Variants in LRP5 observed in about 807,000 individuals in gnomAD.
The protein encoded by LRP5 is LDL receptor related protein 5, also known as low-density lipoprotein receptor-related protein 5.
Under a neutral mutation model 154.1 loss-of-function variants are expected in LRP5, and 62 were observed. That is an observed-to-expected ratio of 0.40 (90% CI 0.33 to 0.50). The LOEUF (loss-of-function observed/expected upper bound fraction) is 0.50, where lower values mean the gene tolerates loss of function less well. Ranked by LOEUF, LRP5 falls within the 20% of genes least tolerant of loss-of-function variation. The probability of loss-of-function intolerance (pLI) is 0.55; values close to 1 mark genes in which losing one functional copy is unlikely to be tolerated. For synonymous variants in LRP5, 966 were observed against 1,011.5 expected, an observed-to-expected ratio of 0.96 and a Z score of 0.85; for missense variants, 1,915 against 2,336.7, an observed-to-expected ratio of 0.82 and a Z score of 3.72.
At chr11:68,422,940 G>A (rs1443375185) in intron 13 of LRP5, among the ~76,000 whole-genome samples, 2 of 151,702 alleles carry the variant, frequency 1.3e-5, no homozygotes, top group Non-Finnish European at 2.9e-5. Context: ...TCCTTCCGTT[G>A]GGGAAGGGGT....
At position 68,386,683 on chromosome 11, in the gene LRP5, C is replaced by T. The variant is rs1349781680; in HGVS notation, c.1383C>T (p.Pro461=). 1.2e-6 allele frequency: 2 copies of T among 1,613,346 alleles called. No individual in the cohort carries two copies. Among genetic ancestry groups the T allele is most frequent in the Admixed American group, 3.3e-5 (2 of 60,014 alleles). Residue 461 remains proline, a synonymous_variant, in exon 6 of 23, where the codon CCC becomes CCT. Coordinates refer to ENST00000294304, the MANE Select transcript of LRP5 (RefSeq NM_002335.4). This position sits in a 1 kb window ranked among gnomAD's most constrained non-coding sequence, Gnocchi z 7.9. ...KILVSEDLDE[P]RAIALHPVMG... Reference sequence around the variant, plus strand: ...TGGTGTCGGAGGACCTGGACGAGCCCCGAGCCATCGCACTGCACCCCGTGA... The same window carrying T: ...TGGTGTCGGAGGACCTGGACGAGCCTCGAGCCATCGCACTGCACCCCGTGA...
intron 5 of LRP5, among the ~76,000 whole-genome samples, chr11:68,366,913 G>A (rs1201500091): frequency 1.3e-5 from 2 of 151,758 alleles, no homozygotes; most frequent in South Asian, 2.1e-4. Flanking sequence ...AACACTTGCC[G>A]GGTGCTGGCA....
intron 6 of LRP5, among the ~76,000 whole-genome samples, chr11:68,389,297 G>A (rs1214493954): frequency 1.3e-5 from 2 of 150,868 alleles, no homozygotes; most frequent in African/African-American, 2.4e-5. Context: ...GACATTTACC[G>A]ACATTGACAT....
intron 5 of LRP5, among the ~76,000 whole-genome samples, chr11:68,375,019 G>A (rs1207529832): frequency 6.6e-6 from 1 of 152,182 alleles, no homozygotes; most frequent in African/African-American, 2.4e-5. Context: ...AGCTCCATGC[G>A]GACCCCAGAC....
chr11:68,347,085 G>A (rs2098613654), intron 1 of LRP5, among the ~76,000 whole-genome samples: 1 of 152,218 alleles, frequency 6.6e-6, no homozygotes, highest in Admixed American at 6.5e-5. Context: ...GGGGTGGGGT[G>A]GTGGAGAGAA....
chr11:68,428,807 G>A (rs1188367237), intron 16 of LRP5, among the ~76,000 whole-genome samples: 1 of 138,352 alleles, frequency 7.2e-6, no homozygotes, highest in Non-Finnish European at 1.5e-5. Context: ...AGGGCCAGGT[G>A]TGGTAGTTCA....
chr11:68,385,086 G>A (rs1002223451), intron 5 of LRP5, among the ~76,000 whole-genome samples: 29 of 152,198 alleles, frequency 1.9e-4, no homozygotes, highest in Admixed American at 1.9e-3. Flanking sequence ...GATTCAACAC[G>A]TGCAAGTCTT....
At chr11:68,392,279 A>C (rs895367579) in intron 7 of LRP5, among the ~76,000 whole-genome samples, 115 of 152,152 alleles carry the variant, frequency 7.6e-4, no homozygotes, top group Non-Finnish European at 1.8e-4. Flanking sequence ...TGAGGTGGGC[A>C]GATCACCTGA....
At chr11:68,366,711 G>A (rs991654635) in intron 5 of LRP5, among the ~76,000 whole-genome samples, 3 of 152,116 alleles carry the variant, frequency 2.0e-5, no homozygotes, top group African/African-American at 4.8e-5. Context: ...CCGCTGTGCC[G>A]GCTGCTGCAG....
intron 1 of LRP5, among the ~76,000 whole-genome samples, chr11:68,316,888 G>A (rs556643225): frequency 2.5e-4 from 38 of 152,360 alleles, no homozygotes; most frequent in Admixed American, 2.1e-3. Flanking sequence ...GGTTACAGAA[G>A]CCGTGAGACA....
chr11:68,415,747 G>A (rs112607424), intron 12 of LRP5, among the ~76,000 whole-genome samples: 2,893 of 8,642 alleles, frequency 0.33, 950 homozygotes, highest in East Asian at 0.67. Flanking sequence ...ACTCCATCTC[G>A]AATGAATGAA....
chr11:68,351,488 A>G (rs1272993361), intron 2 of LRP5, among the ~76,000 whole-genome samples: 1 of 152,158 alleles, frequency 6.6e-6, no homozygotes, highest in Non-Finnish European at 1.5e-5. Context: ...GAGGCTGAAG[A>G]TAGCAGCTTG....
At chr11:68,352,136 C>G (rs551850300) in intron 2 of LRP5, among the ~76,000 whole-genome samples, 4 of 152,276 alleles carry the variant, frequency 2.6e-5, no homozygotes, top group Admixed American at 6.5e-5. Context: ...CAGGAGCCCT[C>G]TCCACGGTTA....
intron 1 of LRP5, among the ~76,000 whole-genome samples, chr11:68,321,100 G>A (rs535475118): frequency 9.5e-5 from 14 of 146,886 alleles, no homozygotes; most frequent in African/African-American, 3.3e-4. Flanking sequence ...ATGAGGTAGG[G>A]GTCTGGCCAG....
intron 2 of LRP5, among the ~76,000 whole-genome samples, chr11:68,350,569 A>G (rs1299686348): frequency 1.3e-5 from 2 of 152,172 alleles, no homozygotes; most frequent in South Asian, 2.1e-4. Context: ...CCTGACTCCC[A>G]TGGTGCCGGC....
Position 68,353,425 on chromosome 11 carries a change from C to T in LRP5, c.489-4225C>T. 6.6e-6 allele frequency among the ~76,000 whole-genome samples: 1 copy of T among 151,966 alleles called. No individual in the cohort carries two copies. Among genetic ancestry groups the T allele is most frequent in the East Asian group, 1.9e-4 (1 of 5,194 alleles). ...GGTGCTGACTCTGTCCCTGTAGGCT[C>T]CATGTCTCCGGAGAGGGAGAGGGAG... On this transcript the variant is annotated intron_variant, in intron 2 of 22. Transcript: ENST00000294304. This position sits in a 1 kb window ranked among gnomAD's most constrained non-coding sequence, Gnocchi z 4.5.
At chr11:68,381,151 A>G (rs1214169565) in intron 5 of LRP5, among the ~76,000 whole-genome samples, 7 of 152,228 alleles carry the variant, frequency 4.6e-5, no homozygotes, top group Admixed American at 4.6e-4. Flanking sequence ...AGGAACTCCA[A>G]GTATTTCCTG....
At chr11:68,345,780 T>C (rs2098612404) in intron 1 of LRP5, among the ~76,000 whole-genome samples, 2 of 152,246 alleles carry the variant, frequency 1.3e-5, no homozygotes. Context: ...TTTCACATTT[T>C]TGCCAGTGGT....
At chr11:68,446,565 T>A (rs200311366) in intron 22 of LRP5, 32 bp downstream of exon 22, 2 of 1,571,852 alleles carry the variant, frequency 1.3e-6, no homozygotes, top group Non-Finnish European at 1.8e-6. Flanking sequence ...TCCATGGCCA[T>A]TGGGTTCCCG....
Sources: allele counts gnomAD v4.1 joint callset (sites outside exome capture counted in the v4.1 genomes callset), GRCh38; gene constraint gnomAD v4.1.1; non-coding constraint Gnocchi (gnomAD v3.1); transcripts MANE v1.5; gene names NCBI Gene and HGNC (gene_info 2026-07-23, HGNC 2026-07-21).